The following NFAM1 variants were observed in gnomAD, a reference collection of about 807,000 sequenced individuals.
NFAM1 encodes NFAT activating protein with ITAM motif 1, also known as NFAT activation molecule 1.
A neutral mutation model predicts 29.0 loss-of-function variants in NFAM1; 17 were observed. The ratio of observed to expected loss-of-function variants is 0.59; its 90% CI spans 0.40 to 0.88. NFAM1 has a LOEUF of 0.88. Among genes scored for constraint, NFAM1 ranks in the 40% least tolerant of loss-of-function variants. NFAM1 has a pLI of 0.00. For missense variants in NFAM1, 324 were observed against 344.6 expected (o/e 0.94, Z 0.47); for synonymous variants, 175 against 147.2 (o/e 1.19, Z -1.36).
chr22:42,408,331 T>A (rs1373128308), intron 3 of NFAM1, among the ~76,000 whole-genome samples: 2 of 152,058 alleles, frequency 1.3e-5, no homozygotes, highest in African/African-American at 4.8e-5. Flanking sequence ...CTTCTCTGGG[T>A]GTGGGTAGGG....
At chr22:42,408,414 G>C (rs9623585) in intron 3 of NFAM1, among the ~76,000 whole-genome samples, 35,812 of 152,100 alleles carry the variant, frequency 0.24, 6,155 homozygotes, top group African/African-American at 0.46. Context: ...CAGTGTTCAC[G>C]CCTCACACCC....
chr22:42,421,271 T>A (rs1930435002), intron 1 of NFAM1, among the ~76,000 whole-genome samples: 2 of 151,636 alleles, frequency 1.3e-5, no homozygotes, highest in Non-Finnish European at 2.9e-5. Context: ...GCCAACATGG[T>A]GAAACCCCGT....
chr22:42,425,163 T>C (rs956794890), intron 1 of NFAM1, among the ~76,000 whole-genome samples: 1 of 152,070 alleles, frequency 6.6e-6, no homozygotes, highest in Admixed American at 6.5e-5. Context: ...CCTCAGGTGA[T>C]CCACAAACCT....
At chr22:42,416,171 G>A (rs1342635202) in intron 1 of NFAM1, among the ~76,000 whole-genome samples, 1 of 152,206 alleles carries the variant, frequency 6.6e-6, no homozygotes, top group South Asian at 2.1e-4. Flanking sequence ...TATTGCAACC[G>A]CGTTCTGGAG....
At chr22:42,397,643 G>T (rs967132834) in intron 4 of NFAM1, among the ~76,000 whole-genome samples, 1 of 152,194 alleles carries the variant, frequency 6.6e-6, no homozygotes, top group East Asian at 1.9e-4. Context: ...CCTGACATTC[G>T]TATGCCTTCC....
intron 3 of NFAM1, among the ~76,000 whole-genome samples, chr22:42,408,877 G>A (rs985617798): frequency 3.9e-5 from 6 of 152,190 alleles, no homozygotes; most frequent in Non-Finnish European, 8.8e-5. Context: ...CTTACTATGC[G>A]ACCCTGGGCA....
chr22:42,430,282 G>A (rs112718134), intron 1 of NFAM1, among the ~76,000 whole-genome samples: 3 of 151,186 alleles, frequency 2.0e-5, no homozygotes, highest in African/African-American at 4.9e-5. Flanking sequence ...AAAACAGGAC[G>A]GGCACAGTGG....
At chr22:42,436,590 G>C (rs1343784630), upstream of NFAM1, among the ~76,000 whole-genome samples, 1 of 152,212 alleles carries the variant, frequency 6.6e-6, no homozygotes, top group Admixed American at 6.5e-5. Flanking sequence ...GCCCGGGCTG[G>C]AAGCCTGGCC....
chr22:42,396,516 A>T (rs758348699), intron 4 of NFAM1, among the ~76,000 whole-genome samples: 10 of 151,660 alleles, frequency 6.6e-5, no homozygotes, highest in Non-Finnish European at 1.5e-4. Context: ...ACATATGTGT[A>T]TGCTGGGGGA....
At chr22:42,408,958 TGGAGGGTGTTTG>T (rs903730173) in intron 3 of NFAM1, among the ~76,000 whole-genome samples, 3 of 151,978 alleles carry the variant, frequency 2.0e-5, no homozygotes, top group Non-Finnish European at 4.4e-5. Context: ...GGAGCTATGC[TGGAGGGTGTTTG>T]GGAGGGTGTG....
intron 1 of NFAM1, among the ~76,000 whole-genome samples, chr22:42,425,489 GCCTCCATCCTTC>G (rs899892316): frequency 7.3e-4 from 111 of 152,026 alleles, no homozygotes; most frequent in African/African-American, 2.6e-3. Context: ...ACCTCTCCAG[GCCTCCATCCTTC>G]CCTCTGTCCT....
intron 1 of NFAM1, among the ~76,000 whole-genome samples, chr22:42,429,844 A>G (rs1447567806): frequency 1.3e-5 from 2 of 152,080 alleles, no homozygotes; most frequent in East Asian, 3.9e-4. Flanking sequence ...CGGTCAGGGG[A>G]GGTTTGGAAG....
intron 1 of NFAM1, among the ~76,000 whole-genome samples, chr22:42,413,312 C>G (rs1253846194): frequency 6.6e-6 from 1 of 152,146 alleles, no homozygotes; most frequent in Non-Finnish European, 1.5e-5. Flanking sequence ...CTCATCTCTT[C>G]CCAGGTCTCT....
intron 3 of NFAM1, among the ~76,000 whole-genome samples, chr22:42,399,503 T>G (rs1156720336): frequency 6.7e-6 from 1 of 149,148 alleles, no homozygotes; most frequent in Non-Finnish European, 1.5e-5. Context: ...AAGGTCAGTG[T>G]GTGGCCCGAG....
chr22:42,406,343 C>G (rs1047025902), intron 3 of NFAM1, among the ~76,000 whole-genome samples: 1 of 152,210 alleles, frequency 6.6e-6, no homozygotes, highest in African/African-American at 2.4e-5. Context: ...GTGTCCCTCA[C>G]TCAGACAGAG....
intron 1 of NFAM1, among the ~76,000 whole-genome samples, chr22:42,427,543 G>C (rs1200517152): frequency 6.6e-6 from 1 of 152,166 alleles, no homozygotes; most frequent in African/African-American, 2.4e-5. Context: ...AGTACCTTTT[G>C]ATTTTTTCAA....
At chr22:42,411,835 C>G (rs1930106162) in intron 1 of NFAM1, 99 bp from the exon 2 acceptor site, 2 of 773,836 alleles carry the variant, frequency 2.6e-6, no homozygotes, top group South Asian at 3.3e-5. Flanking sequence ...CGGTGGCTCA[C>G]ACCTGTAATT....
intron 3 of NFAM1, among the ~76,000 whole-genome samples, chr22:42,407,615 G>A (rs886168714): frequency 3.3e-5 from 5 of 150,206 alleles, no homozygotes; most frequent in Admixed American, 2.7e-4. Context: ...TTTTGAGATG[G>A]TCTCCCTCTG....
chr22:42,388,637 G>A lies in NFAM1; in HGVS notation c.664-1559C>T, dbSNP rs1225042042. ...AGGTGGTGCTCAGAGGCAGGAGGAG[G>A]GCGGGAGGCGGGAGGGAAGGAGGGA... On this transcript the variant is annotated intron_variant, in intron 4 of 5. Coordinates refer to ENST00000329021, the MANE Select transcript of NFAM1 (RefSeq NM_145912.8). This position sits in a 1 kb window ranked among gnomAD's most constrained non-coding sequence, Gnocchi z 4.1. Among the ~76,000 whole-genome samples, 1 of 152,140 alleles carries A rather than the reference G, an allele frequency of 6.6e-6. No homozygotes were observed. Among genetic ancestry groups the A allele is most frequent in the South Asian group, 2.1e-4 (1 of 4,808 alleles).
Sources: gnomAD v4.1 joint callset for allele counts (sites outside exome capture counted in the v4.1 genomes callset) on GRCh38, gnomAD v4.1.1 for gene constraint, Gnocchi (gnomAD v3.1) non-coding constraint, MANE v1.5 for transcripts, NCBI Gene and HGNC (gene_info 2026-07-23, HGNC 2026-07-21) for gene names.